The following AKAP6 variants were observed in gnomAD, a reference collection of about 807,000 sequenced individuals.
AKAP6 encodes the protein A-kinase anchor protein 6.
A neutral mutation model predicts 188.5 loss-of-function variants in AKAP6; 58 were observed. The observed-to-expected ratio is 0.31, with a 90% CI of 0.25 to 0.38. The LOEUF is 0.38. Among genes scored for constraint, AKAP6 ranks in the 10% least tolerant of loss-of-function variants. AKAP6 has a pLI of 1.00. For synonymous variants in AKAP6, 989 were observed against 998.6 expected (o/e 0.99, Z 0.18); for missense variants, 2,710 against 2,740.0 (o/e 0.99, Z 0.24).
At chr14:32,731,412 C>T (rs2031169751) in intron 9 of AKAP6, among the ~76,000 whole-genome samples, 1 of 151,982 alleles carries the variant, frequency 6.6e-6, no homozygotes, top group Non-Finnish European at 1.5e-5. Context: ...TATTTATTTG[C>T]CCAGAGAAAA....
At chr14:32,501,734 C>G (rs1880619072) in intron 2 of AKAP6, among the ~76,000 whole-genome samples, 1 of 152,188 alleles carries the variant, frequency 6.6e-6, no homozygotes, top group Non-Finnish European at 1.5e-5. Context: ...GAGGTCTTCA[C>G]TCTCTGGAGT....
intron 7 of AKAP6, among the ~76,000 whole-genome samples, chr14:32,620,690 G>C (rs978221679): frequency 6.6e-6 from 1 of 152,070 alleles, no homozygotes; most frequent in African/African-American, 2.4e-5. Flanking sequence ...GAATGAGTTA[G>C]AGAGGATTCC....
chr14:32,786,331 G>A (rs188656465), intron 12 of AKAP6, among the ~76,000 whole-genome samples: 594 of 23,918 alleles, frequency 0.025, 6 homozygotes, highest in African/African-American at 0.063. Context: ...TTTTTGAGAC[G>A]GAATCTTGCT....
chr14:32,351,940 G>T (rs928468368), intron 1 of AKAP6, among the ~76,000 whole-genome samples: 1 of 151,862 alleles, frequency 6.6e-6, no homozygotes, highest in African/African-American at 2.4e-5. Flanking sequence ...ATTTCTCCTT[G>T]TAACAGGCAG....
chr14:32,490,931 A>T (rs2138944151), intron 2 of AKAP6, among the ~76,000 whole-genome samples: 1 of 152,342 alleles, frequency 6.6e-6, no homozygotes, highest in South Asian at 2.1e-4. Flanking sequence ...GTCAAAGTGC[A>T]AATAGTATTA....
intron 1 of AKAP6, among the ~76,000 whole-genome samples, chr14:32,351,228 G>T (rs184835301): frequency 2.0e-5 from 3 of 152,270 alleles, no homozygotes; most frequent in African/African-American, 4.8e-5. Flanking sequence ...AGGTCTAAAA[G>T]AATCATTTAG....
intron 7 of AKAP6, chr14:32,617,111 A>G (rs866122229): frequency 2.6e-5 from 4 of 152,452 alleles, no homozygotes; most frequent in Middle Eastern, 3.4e-3. Flanking sequence ...TCCTATCCAG[A>G]ATCCTTCAGT....
At position 32,732,447 on chromosome 14, in the gene AKAP6, A is replaced by T. The variant is rs750116522; in HGVS notation, c.3001-7A>T. On this transcript the variant is annotated splice_region_variant and splice_polypyrimidine_tract_variant and intron_variant, in intron 9 of 13. Transcript: ENST00000280979. ...TAATGATATCTCTTTTTCTCTTTTC[A>T]TTTTAGCGATACAGTGTGGAAATGT... The T allele has an allele frequency of 6.2e-7, 1 of 1,605,300 alleles. No homozygotes were observed.
chr14:32,780,605 C>T (rs776854377), intron 12 of AKAP6, among the ~76,000 whole-genome samples: 3 of 152,122 alleles, frequency 2.0e-5, no homozygotes, highest in Non-Finnish European at 4.4e-5. Context: ...ATAACATCTA[C>T]TAAAACTCTC....
intron 2 of AKAP6, among the ~76,000 whole-genome samples, chr14:32,500,073 T>G (rs1880530481): frequency 6.6e-6 from 1 of 152,172 alleles, no homozygotes; most frequent in Non-Finnish European, 1.5e-5. Flanking sequence ...ATTTTGATTC[T>G]TTTTTCCAGG....
intron 1 of AKAP6, among the ~76,000 whole-genome samples, chr14:32,394,367 G>T (rs189809279): frequency 6.6e-6 from 1 of 152,172 alleles, no homozygotes; most frequent in African/African-American, 2.4e-5. Flanking sequence ...TGGCAAGTAT[G>T]GTTATAACTT....
intron 7 of AKAP6, among the ~76,000 whole-genome samples, chr14:32,660,397 A>G (rs1370200327): frequency 6.6e-6 from 1 of 152,136 alleles, no homozygotes; most frequent in Non-Finnish European, 1.5e-5. Context: ...GCTGGACAAC[A>G]TCTGGTAGGA....
At position 32,732,275 on chromosome 14, in the gene AKAP6, G is replaced by A. The variant is rs571904646; in HGVS notation, c.3001-179G>A. Reference sequence around the variant, plus strand: ...GTAATAACTGTGTGTGTGTGTGTGTGTATATAATATATTCAGCAATATTCT... The same window carrying A: ...GTAATAACTGTGTGTGTGTGTGTGTATATATAATATATTCAGCAATATTCT... On this transcript the variant is annotated intron_variant, in intron 9 of 13. Coordinates refer to ENST00000280979, the MANE Select transcript of AKAP6 (RefSeq NM_004274.5). Among the ~76,000 whole-genome samples, 324 of 149,392 alleles carry A rather than the reference G, an allele frequency of 2.2e-3. 1 individual carries two copies. Among genetic ancestry groups the A allele is most frequent in the Middle Eastern group, 7.0e-3 (2 of 286 alleles).
chr14:32,377,373 A>T (rs897578262), intron 1 of AKAP6, among the ~76,000 whole-genome samples: 3 of 152,194 alleles, frequency 2.0e-5, no homozygotes, highest in Non-Finnish European at 4.4e-5. Flanking sequence ...GAACTGTATA[A>T]CACATTCAGC....
intron 5 of AKAP6, among the ~76,000 whole-genome samples, chr14:32,587,448 C>G (rs1367381334): frequency 6.6e-6 from 1 of 152,090 alleles, no homozygotes; most frequent in East Asian, 1.9e-4. Context: ...GATTCCAGTT[C>G]TGGAAAGACC....
At chr14:32,558,402 G>C (rs985692776) in intron 4 of AKAP6, among the ~76,000 whole-genome samples, 4 of 152,180 alleles carry the variant, frequency 2.6e-5, no homozygotes, top group African/African-American at 9.6e-5. Context: ...AATTCATGCA[G>C]TGGGAGAACA....
chr14:32,563,663 C>A (rs543038337), intron 4 of AKAP6, among the ~76,000 whole-genome samples: 1 of 152,282 alleles, frequency 6.6e-6, no homozygotes, highest in South Asian at 2.1e-4. Context: ...CTTCGCCCTT[C>A]GTGGGACCTG....
intron 2 of AKAP6, among the ~76,000 whole-genome samples, chr14:32,435,242 G>A (rs1357005090): frequency 6.6e-6 from 1 of 152,170 alleles, no homozygotes; most frequent in Admixed American, 6.5e-5. Context: ...GGTTTATAAG[G>A]AAAGTCAACT....
At chr14:32,794,968 C>A (rs750222730) in intron 12 of AKAP6, among the ~76,000 whole-genome samples, 4 of 152,040 alleles carry the variant, frequency 2.6e-5, no homozygotes, top group Admixed American at 1.3e-4. Flanking sequence ...TTACCACTGA[C>A]CCCACAGAAA....
Sources: allele counts gnomAD v4.1 joint callset (sites outside exome capture counted in the v4.1 genomes callset), GRCh38; gene constraint gnomAD v4.1.1; transcripts MANE v1.5; gene names NCBI Gene and HGNC (gene_info 2026-07-23, HGNC 2026-07-21).